CLDN16: variants seen among roughly 807,000 people sequenced by gnomAD.
CLDN16 encodes the protein claudin 16.
CLDN16 carries 13 observed loss-of-function variants against 24.6 expected under a neutral mutation model. The ratio of observed to expected loss-of-function variants is 0.53; its 90% CI spans 0.34 to 0.84. CLDN16 has a LOEUF of 0.84. Ranked by LOEUF, CLDN16 falls within the 40% of genes least tolerant of loss-of-function variation. The pLI, the probability that CLDN16 is intolerant of heterozygous loss-of-function variation, is 0.01. For missense variants in CLDN16, 298 were observed against 292.7 expected (o/e 1.02, Z -0.13); for synonymous variants, 116 against 106.7 (o/e 1.09, Z -0.54).
At chr3:190,354,121 A>ATCTC (rs779187375) in intron 1 of CLDN16, among the ~76,000 whole-genome samples, 1 of 150,308 alleles carries the variant, frequency 6.7e-6, no homozygotes, top group Non-Finnish European at 1.5e-5. Flanking sequence ...TCTGTATTGA[A>ATCTC]TCTCTCTCTC....
chr3:190,315,557 A>G, the CLDN16 span, among the ~76,000 whole-genome samples: 1 of 152,224 alleles, frequency 6.6e-6, no homozygotes, highest in Non-Finnish European at 1.5e-5. Flanking sequence ...CACACAATCA[A>G]TAAATATTTC....
At chr3:190,331,421 A>T (rs1717177947) in intron 1 of CLDN16, among the ~76,000 whole-genome samples, 1 of 152,208 alleles carries the variant, frequency 6.6e-6, no homozygotes, top group Admixed American at 6.5e-5. Context: ...CCTAGGCAGG[A>T]TATAGAAAGT....
At chr3:190,374,333 C>T (rs1279313018) in intron 2 of CLDN16, among the ~76,000 whole-genome samples, 1 of 145,056 alleles carries the variant, frequency 6.9e-6, no homozygotes, top group East Asian at 2.0e-4. Context: ...GAAGCAGAGT[C>T]AGAGACCCTT....
chr3:190,338,638 A>G (rs1401022934), intron 1 of CLDN16, among the ~76,000 whole-genome samples: 1 of 152,230 alleles, frequency 6.6e-6, no homozygotes, highest in Non-Finnish European at 1.5e-5. Flanking sequence ...AAAGGAATCT[A>G]TAATTGTAGC....
At chr3:190,341,419 C>T (rs1355311666) in intron 1 of CLDN16, among the ~76,000 whole-genome samples, 1 of 152,190 alleles carries the variant, frequency 6.6e-6, no homozygotes, top group Non-Finnish European at 1.5e-5. Context: ...GGGAATTGCA[C>T]CCTCTGAAGT....
intron 1 of CLDN16, among the ~76,000 whole-genome samples, chr3:190,365,007 G>A (rs1717989407): frequency 6.6e-6 from 1 of 151,688 alleles, no homozygotes. Flanking sequence ...ATGAAAACTA[G>A]AAATTTTACT....
At chr3:190,366,869 G>C (rs921775531) in intron 1 of CLDN16, among the ~76,000 whole-genome samples, 5 of 151,866 alleles carry the variant, frequency 3.3e-5, no homozygotes, top group African/African-American at 7.2e-5. Flanking sequence ...TATTCCTGCA[G>C]AGGGATTTCA....
At chr3:190,348,335 A>ATG (rs57246894) in intron 1 of CLDN16, among the ~76,000 whole-genome samples, 55,324 of 137,964 alleles carry the variant, frequency 0.4, 10,961 homozygotes, top group East Asian at 0.57. Flanking sequence ...CAAGACTGCA[A>ATG]TGTGTGTGTG....
At chr3:190,361,604 T>C (rs1236604222) in intron 1 of CLDN16, among the ~76,000 whole-genome samples, 1 of 151,966 alleles carries the variant, frequency 6.6e-6, no homozygotes, top group Non-Finnish European at 1.5e-5. Context: ...GCCCCCAAAT[T>C]GCTCCTGGAG....
chr3:190,380,219 C>CCTTTTCTTCCTTG (rs1718337708), intron 3 of CLDN16, among the ~76,000 whole-genome samples: 1 of 70,402 alleles, frequency 1.4e-5, no homozygotes, highest in African/African-American at 6.6e-5. Flanking sequence ...TTCCTCCCTT[C>CCTTTTCTTCCTTG]CTTCCTTTTC....
chr3:190,363,554 G>GCACATATA lies in CLDN16; in HGVS notation n.122-7339_122-7338insCACATATA, dbSNP rs10663299. Among the ~76,000 whole-genome samples, 42 of 81,356 alleles carry GCACATATA rather than the reference G, an allele frequency of 5.2e-4. 2 individuals carry two copies. In the East Asian group the frequency reaches 5.7e-3, roughly 11 times the overall value. 53.4% of individuals were successfully genotyped at this position (81,356 alleles called of 152,430 possible). The stretch of plus-strand genomic sequence containing the variant: ...CCAGTTGCTGTGCGTGTGTGTGTGT[G>GCACATATA]TGTATATATATATATATATATATAT... On this transcript the variant is annotated intron_variant and non_coding_transcript_variant, in intron 1 of 4. Transcript: ENST00000468220.
At position 190,371,477 on chromosome 3, in the gene CLDN16, A is replaced by G. The variant is rs116206994; in HGVS notation, n.230+476A>G. On this transcript the variant is annotated intron_variant and non_coding_transcript_variant, in intron 2 of 4. Coordinates refer to the CLDN16 transcript ENST00000468220. ...GTGCATCTCTATTAAGAAGGAACTT[A>G]ATAAGTCATAGACCAATAGTCCAGG... Among the ~76,000 whole-genome samples, 1,178 of 152,074 alleles carry G rather than the reference A, an allele frequency of 7.7e-3. 16 individuals carry two copies. Among genetic ancestry groups the G allele is most frequent in the African/African-American group, 0.027 (1,106 of 41,538 alleles).
chr3:190,331,335 G>A (rs1444164039), intron 1 of CLDN16, among the ~76,000 whole-genome samples: 3 of 152,090 alleles, frequency 2.0e-5, no homozygotes, highest in African/African-American at 7.2e-5. Context: ...ACTAAACACA[G>A]CTCCAGGATT....
intron 3 of CLDN16, among the ~76,000 whole-genome samples, chr3:190,407,800 A>G (rs957347881): frequency 6.6e-6 from 1 of 152,222 alleles, no homozygotes; most frequent in Non-Finnish European, 1.5e-5. Flanking sequence ...AGTGACTTTA[A>G]AAACAGTTTT....
intron 2 of CLDN16, among the ~76,000 whole-genome samples, chr3:190,373,053 A>C (rs115039300): frequency 4.6e-4 from 70 of 152,114 alleles, no homozygotes; most frequent in African/African-American, 1.6e-3. Flanking sequence ...CCAGTCCCTG[A>C]CATAGCCTAC....
the CLDN16 span, among the ~76,000 whole-genome samples, chr3:190,312,219 C>T: frequency 5.9e-5 from 9 of 151,950 alleles, no homozygotes; most frequent in Admixed American, 1.3e-4. Context: ...GCGTGAACCA[C>T]CACACCTGGC....
chr3:190,298,410 G>A, the CLDN16 span, among the ~76,000 whole-genome samples: 1 of 146,854 alleles, frequency 6.8e-6, no homozygotes, highest in Admixed American at 7.0e-5. Context: ...TGCTAGCTAC[G>A]AGTTAAAAAT....
intron 2 of CLDN16, 119 bp downstream of exon 2, chr3:190,402,558 T>A: frequency 1.3e-6 from 1 of 770,366 alleles, no homozygotes. Context: ...GTCCAGTTTG[T>A]AATGGTTAGA....
At chr3:190,299,548 G>C in the CLDN16 span, among the ~76,000 whole-genome samples, 1 of 140,302 alleles carries the variant, frequency 7.1e-6, no homozygotes. Context: ...TATTTTTTCT[G>C]AATTTTTTTT....
Sources: gnomAD v4.1 joint callset for allele counts (sites outside exome capture counted in the v4.1 genomes callset) on GRCh38, gnomAD v4.1.1 for gene constraint, MANE v1.5 for transcripts, NCBI Gene and HGNC (gene_info 2026-07-23, HGNC 2026-07-21) for gene names.